FRK: variants seen among roughly 807,000 people sequenced by gnomAD.
The protein encoded by FRK is fyn related Src family tyrosine kinase, also known as tyrosine-protein kinase FRK.
Under a neutral mutation model 56.4 loss-of-function variants are expected in FRK, and 51 were observed. The observed-to-expected ratio is 0.90, with a 90% confidence interval of 0.72 to 1.14. The LOEUF is 1.14. FRK is among the 50% of genes most tolerant of loss of function. FRK has a pLI of 0.00. For missense variants in FRK, 570 were observed against 601.4 expected, an observed-to-expected ratio of 0.95 and a Z score of 0.55; for synonymous variants, 245 against 217.9, an observed-to-expected ratio of 1.12 and a Z score of -1.10.
At chr6:116,046,641 G>A (rs1421279484) in intron 1 of FRK, among the ~76,000 whole-genome samples, 4 of 152,110 alleles carry the variant, frequency 2.6e-5, no homozygotes, top group Non-Finnish European at 5.9e-5. Flanking sequence ...GGGGGTAGGG[G>A]GCTAGGGGAG....
intron 2 of FRK, among the ~76,000 whole-genome samples, chr6:115,977,055 T>TTA (rs1332998298): frequency 6.6e-6 from 1 of 152,136 alleles, no homozygotes; most frequent in Admixed American, 6.6e-5. Flanking sequence ...TTAGATTTGT[T>TTA]TATACTTTTC....
chr6:116,014,814 C>T (rs1466893153), intron 1 of FRK, among the ~76,000 whole-genome samples: 1 of 152,062 alleles, frequency 6.6e-6, no homozygotes, highest in African/African-American at 2.4e-5. Flanking sequence ...AGGGTGAAAG[C>T]AAAGAGGAAT....
intron 2 of FRK, among the ~76,000 whole-genome samples, chr6:115,985,490 C>A (rs943000983): frequency 6.6e-6 from 1 of 152,240 alleles, no homozygotes; most frequent in East Asian, 1.9e-4. Flanking sequence ...AAAGAATTTT[C>A]ACATATTCTT....
chr6:116,025,340 G>A (rs1346125248), intron 1 of FRK, among the ~76,000 whole-genome samples: 1 of 152,076 alleles, frequency 6.6e-6, no homozygotes, highest in Non-Finnish European at 1.5e-5. Flanking sequence ...ATTAGCTGAG[G>A]TTTTTGGAAA....
Position 115,953,180 on chromosome 6 carries a change from A to ACTTTTTTTTTTTTTTTTTT in FRK, c.958+3271_958+3272insAAAAAAAAAAAAAAAAAAG, listed in dbSNP as rs34026302. Among the ~76,000 whole-genome samples the ACTTTTTTTTTTTTTTTTTT allele has an allele frequency of 1.9e-5, 2 of 104,032 alleles. 1 individual carries two copies. Among genetic ancestry groups the ACTTTTTTTTTTTTTTTTTT allele is most frequent in the Non-Finnish European group, 3.7e-5 (2 of 54,686 alleles). The allele number at this position is 104,032 out of a possible 152,430, so 68.2% of individuals were successfully genotyped here. A position where few individuals can be genotyped will look rare whatever the true frequency, so the allele number is the denominator to read the frequency against. ...AGAGTGGTACATCCATTTTAAGGCCATTTTTTTTTTTTTTTTTTTTTTTTT... is the reference window on the plus strand; with the variant it reads ...AGAGTGGTACATCCATTTTAAGGCCACTTTTTTTTTTTTTTTTTTTTTTTTTTTTTTTTTTTTTTTTTTT... On this transcript the variant is annotated intron_variant, in intron 5 of 7. Transcript: ENST00000606080.
intron 4 of FRK, among the ~76,000 whole-genome samples, chr6:115,962,000 T>A (rs1230397635): frequency 2.0e-4 from 19 of 95,944 alleles, no homozygotes; most frequent in African/African-American, 8.0e-4. Flanking sequence ...ACGAGCAAAA[T>A]CACCAGCTAA....
chr6:116,057,648 C>T (rs937331710), intron 1 of FRK, among the ~76,000 whole-genome samples: 3 of 151,874 alleles, frequency 2.0e-5, no homozygotes, highest in Admixed American at 6.6e-5. Flanking sequence ...TGTGAAGATC[C>T]CAAGGAAAGC....
At chr6:116,066,433 A>G in the FRK span, among the ~76,000 whole-genome samples, 693 of 150,688 alleles carry the variant, frequency 4.6e-3, 1 homozygote, top group African/African-American at 0.013. Flanking sequence ...ATATATATAT[A>G]TGTGTGTGTG....
At chr6:115,958,704 G>GAAAGAAAGAAAGA (rs5879359) in intron 4 of FRK, among the ~76,000 whole-genome samples, 2 of 6,960 alleles carry the variant, frequency 2.9e-4, no homozygotes, top group African/African-American at 8.1e-4. Flanking sequence ...AAGAAAGAAA[G>GAAAGAAAGAAAGA]AAGAAAGAAA....
At chr6:115,957,655 T>C (rs1773054937) in intron 4 of FRK, among the ~76,000 whole-genome samples, 1 of 152,166 alleles carries the variant, frequency 6.6e-6, no homozygotes. Context: ...TAATGTGAAG[T>C]TGAGTTAGTT....
intron 1 of FRK, among the ~76,000 whole-genome samples, chr6:116,046,146 G>A (rs1025257181): frequency 2.0e-5 from 3 of 152,144 alleles, no homozygotes; most frequent in African/African-American, 4.8e-5. Flanking sequence ...GGAAACAATA[G>A]ATGCTGGAGA....
At chr6:116,075,436 T>A in the FRK span, among the ~76,000 whole-genome samples, 1 of 150,120 alleles carries the variant, frequency 6.7e-6, no homozygotes, top group East Asian at 2.0e-4. Flanking sequence ...TTTGGTGTGA[T>A]TATGCAAATG....
In FRK at chr6:115,982,094, A is replaced by T. The variant is rs554338913; in HGVS notation, c.467-13355T>A. 3.9e-5 allele frequency among the ~76,000 whole-genome samples: 6 copies of T among 152,272 alleles called. No individual in the cohort carries two copies. In the East Asian group the frequency reaches 1.2e-3, roughly 29 times the overall value. Reference sequence around the variant, plus strand: ...AGATTAGCATTTGAATTAGTAAAGAAGATCTTCCCTCATCAATGTGGGCCA... The same window carrying T: ...AGATTAGCATTTGAATTAGTAAAGATGATCTTCCCTCATCAATGTGGGCCA... On this transcript the variant is annotated intron_variant, in intron 2 of 7. Transcript: ENST00000606080.
At chr6:116,062,084 T>A (rs1419885784), upstream of FRK, among the ~76,000 whole-genome samples, 1 of 152,054 alleles carries the variant, frequency 6.6e-6, no homozygotes, top group Non-Finnish European at 1.5e-5. Flanking sequence ...CTGCTATTAC[T>A]TTGTGCAAAA....
rs542140271 is a variant in FRK, at chr6:115,951,692, T to C, written c.958+4760A>G. Among the ~76,000 whole-genome samples the C allele has an allele frequency of 3.3e-4, 51 of 152,284 alleles. 1 individual carries two copies. Among genetic ancestry groups the C allele is most frequent in the Middle Eastern group, 3.4e-3 (1 of 294 alleles). On this transcript the variant is annotated intron_variant, in intron 5 of 7. Transcript: ENST00000606080. The stretch of plus-strand genomic sequence containing the variant: ...GTTATTTCAACTATCACATATGACA[T>C]CTAATCCTATTACAATGGATAGAAA...
At chr6:116,027,838 A>G (rs1309065379) in intron 1 of FRK, among the ~76,000 whole-genome samples, 1 of 144,586 alleles carries the variant, frequency 6.9e-6, no homozygotes, top group Non-Finnish European at 1.5e-5. Flanking sequence ...CTTTGAGTTT[A>G]AAAAAAAAAA....
At chr6:115,983,386 G>T (rs984761474) in intron 2 of FRK, among the ~76,000 whole-genome samples, 3 of 152,230 alleles carry the variant, frequency 2.0e-5, no homozygotes, top group Middle Eastern at 6.8e-3. Flanking sequence ...AGCTCCAAAA[G>T]CAAGTAACCT....
the FRK span, among the ~76,000 whole-genome samples, chr6:116,068,737 G>GA: frequency 2.6e-5 from 4 of 151,678 alleles, no homozygotes; most frequent in African/African-American, 9.7e-5. Context: ...TTCTATATTT[G>GA]AAAATCCATG....
At chr6:116,027,652 A>G (rs1173818338) in intron 1 of FRK, among the ~76,000 whole-genome samples, 2 of 152,164 alleles carry the variant, frequency 1.3e-5, no homozygotes, top group African/African-American at 2.4e-5. Flanking sequence ...AAAATAGCAT[A>G]AAGTAAGAAC....
Sources: gnomAD v4.1 joint callset for allele counts (sites outside exome capture counted in the v4.1 genomes callset) on GRCh38, gnomAD v4.1.1 for gene constraint, MANE v1.5 for transcripts, NCBI Gene and HGNC (gene_info 2026-07-23, HGNC 2026-07-21) for gene names.